The following LIN28A variants were observed in gnomAD, a reference collection of about 807,000 sequenced individuals.
LIN28A encodes the protein lin-28 RNA binding posttranscriptional regulator A, also known as protein lin-28 homolog A.
In LIN28A, 11 loss-of-function variants were observed where a neutral mutation model predicts 21.1. That is an observed-to-expected ratio of 0.52 (90% CI 0.33 to 0.86). The LOEUF (loss-of-function observed/expected upper bound fraction) is 0.86, where lower values mean the gene tolerates loss of function less well. LIN28A is among the 40% of genes least tolerant of loss of function. The probability of loss-of-function intolerance (pLI) is 0.03; values close to 1 mark genes in which losing one functional copy is unlikely to be tolerated. For missense variants in LIN28A, 219 were observed against 279.8 expected (o/e 0.78, Z 1.55); for synonymous variants, 111 against 108.7 (o/e 1.02, Z -0.13).
intron 2 of LIN28A, among the ~76,000 whole-genome samples, chr1:26,417,924 T>TTA (rs1461817905): frequency 3.3e-5 from 5 of 151,970 alleles, no homozygotes; most frequent in African/African-American, 1.2e-4. Flanking sequence ...AACCCCAGCT[T>TTA]TAATCTGCAC....
At chr1:26,419,353 C>CT (rs1307408776) in intron 2 of LIN28A, among the ~76,000 whole-genome samples, 3 of 152,100 alleles carry the variant, frequency 2.0e-5, no homozygotes, top group Non-Finnish European at 4.4e-5. Flanking sequence ...CTGTAAAAGT[C>CT]TTAGACCTCA....
At chr1:26,418,676 TC>T (rs1165150274) in intron 2 of LIN28A, among the ~76,000 whole-genome samples, 2 of 152,066 alleles carry the variant, frequency 1.3e-5, no homozygotes, top group Non-Finnish European at 2.9e-5. Context: ...ATGCCTTCTC[TC>T]CCCCTCCCCT....
intron 2 of LIN28A, among the ~76,000 whole-genome samples, chr1:26,420,297 C>T (rs1208221787): frequency 6.6e-6 from 1 of 152,056 alleles, no homozygotes; most frequent in African/African-American, 2.4e-5. Context: ...AGGGTGGTTA[C>T]TGTGAAACAG....
chr1:26,412,570 G>C (rs777689302), intron 2 of LIN28A, among the ~76,000 whole-genome samples: 1 of 152,134 alleles, frequency 6.6e-6, no homozygotes, highest in Non-Finnish European at 1.5e-5. Context: ...CATCTTTGGA[G>C]GTTTGGGACT....
intron 2 of LIN28A, among the ~76,000 whole-genome samples, chr1:26,418,508 T>G (rs568063967): frequency 2.0e-5 from 3 of 150,338 alleles, no homozygotes; most frequent in South Asian, 4.2e-4. Flanking sequence ...ATTGTGCCAC[T>G]GCACTCCGGC....
rs1433891466 is a variant in LIN28A at position 26,428,475 on chromosome 1, GA to G, written c.*2019del. 6.6e-6 allele frequency: 1 copy of G among 151,840 alleles called. No homozygotes were observed. Among genetic ancestry groups the G allele is most frequent in the Non-Finnish European group, 1.5e-5 (1 of 68,018 alleles). 9.4% of individuals were successfully genotyped at this position (151,840 alleles called of 1,614,324 possible). Reference sequence around the variant, plus strand: ...CTTAAATGATGTATGCAAAAATACTGAAGCTAGGAAAACCCTCCATCCCTTG... The same window carrying G: ...CTTAAATGATGTATGCAAAAATACTGAGCTAGGAAAACCCTCCATCCCTTG... On this transcript the variant is annotated 3_prime_UTR_variant, in exon 4 of 4. Coordinates refer to ENST00000326279, the MANE Select transcript of LIN28A (RefSeq NM_024674.6).
At chr1:26,413,978 C>T (rs563272919) in intron 2 of LIN28A, among the ~76,000 whole-genome samples, 243 of 152,050 alleles carry the variant, frequency 1.6e-3, no homozygotes, top group African/African-American at 5.5e-3. Flanking sequence ...CAGGCATGTG[C>T]CACCACGCTC....
chr1:26,417,634 T>C (rs879259483), intron 2 of LIN28A, among the ~76,000 whole-genome samples: 17 of 152,292 alleles, frequency 1.1e-4, no homozygotes, highest in Admixed American at 1.1e-3. Flanking sequence ...CCCCTCTGCC[T>C]CCATGTCCTC....
intron 2 of LIN28A, among the ~76,000 whole-genome samples, chr1:26,417,744 C>G (rs1260936291): frequency 6.6e-6 from 1 of 152,170 alleles, no homozygotes; most frequent in East Asian, 1.9e-4. Flanking sequence ...GCCACTTAGC[C>G]TACAGTAAGA....
At chr1:26,415,833 T>C (rs938140268) in intron 2 of LIN28A, among the ~76,000 whole-genome samples, 2 of 152,190 alleles carry the variant, frequency 1.3e-5, no homozygotes, top group Non-Finnish European at 2.9e-5. Context: ...TGGTCATCCA[T>C]GAGTTATTTC....
At chr1:26,414,400 TA>T (rs1217178440) in intron 2 of LIN28A, among the ~76,000 whole-genome samples, 4 of 152,094 alleles carry the variant, frequency 2.6e-5, no homozygotes, top group Non-Finnish European at 4.4e-5. Flanking sequence ...AAAGGCAATT[TA>T]AAAACATTTT....
intron 1 of LIN28A, 69 bp downstream of exon 1, chr1:26,410,991 G>A (rs2074954500): frequency 1.6e-5 from 25 of 1,568,090 alleles, no homozygotes; most frequent in Admixed American, 4.0e-5. Flanking sequence ...TAGAAGGGAG[G>A]TGGGGAACTG....
intron 2 of LIN28A, among the ~76,000 whole-genome samples, chr1:26,421,009 G>C (rs2075025530): frequency 6.6e-6 from 1 of 151,854 alleles, no homozygotes; most frequent in Non-Finnish European, 1.5e-5. Context: ...AGAACTAGCT[G>C]TATCAACAAC....
intron 2 of LIN28A, among the ~76,000 whole-genome samples, chr1:26,424,593 C>T (rs894533250): frequency 2.6e-5 from 4 of 152,084 alleles, no homozygotes; most frequent in Non-Finnish European, 2.9e-5. Flanking sequence ...ATTTTTGAGA[C>T]GAAGTCTTGC....
In LIN28A at chr1:26,411,450, G is replaced by T. The variant is rs766264498; in HGVS notation, c.96G>T (p.Ala32=). ...EEAPEDAARA[A]DEPQLLHGAG... ...CGCCGGAGGACGCGGCCCGGGCGGC[G>T]GACGAGCCTCAGCTGCTGCACGGTG... Residue 32 remains alanine, a synonymous_variant, in exon 2 of 4, where the codon GCG becomes GCT. Coordinates refer to ENST00000326279, the MANE Select transcript of LIN28A (RefSeq NM_024674.6). The surrounding 1 kb of genome is among the most constrained non-coding windows in gnomAD (Gnocchi z 5.4). The T allele has an allele frequency of 1.6e-5, 26 of 1,611,192 alleles. No individual in the cohort carries two copies. The highest frequency in any genetic ancestry group is 2.0e-5 in the Non-Finnish European group (24 of 1,178,716).
At chr1:26,418,373 C>T (rs953322181) in intron 2 of LIN28A, among the ~76,000 whole-genome samples, 3 of 151,918 alleles carry the variant, frequency 2.0e-5, no homozygotes, top group South Asian at 4.2e-4. Context: ...GGTGAAACCC[C>T]GTCTCTACTA....
chr1:26,424,783 C>T (rs1326965544), intron 2 of LIN28A, among the ~76,000 whole-genome samples: 1 of 152,116 alleles, frequency 6.6e-6, no homozygotes, highest in Admixed American at 6.6e-5. Context: ...ACTCTGTCGC[C>T]CAGGCTGGAG....
intron 2 of LIN28A, among the ~76,000 whole-genome samples, chr1:26,422,989 G>C (rs1570316207): frequency 6.6e-6 from 1 of 152,202 alleles, no homozygotes; most frequent in African/African-American, 2.4e-5. Flanking sequence ...CTGGAATGCA[G>C]TGGCATAATC....
rs1234062650 is a variant in LIN28A, at chr1:26,425,401, C to T, written c.327C>T (p.Val109=). The T allele has an allele frequency of 2.5e-6, 4 of 1,614,000 alleles. No homozygotes were observed. The African/African-American group carries it at 5.3e-5, about 22-fold the overall frequency. Residue 109 remains valine (V), a synonymous_variant, in exon 3 of 4, where the codon GTC becomes GTT. Transcript: ENST00000326279. ...KSAKGLESIR[V]TGPGGVFCIG... is the part of the protein sequence containing the mutation. Reference sequence around the variant, plus strand: ...CCAAGGGTCTGGAATCCATCCGTGTCACCGGACCTGGTGGAGTATTCTGTA... The same window carrying T: ...CCAAGGGTCTGGAATCCATCCGTGTTACCGGACCTGGTGGAGTATTCTGTA...
Sources: gnomAD v4.1 joint callset for allele counts (sites outside exome capture counted in the v4.1 genomes callset) on GRCh38, gnomAD v4.1.1 for gene constraint, Gnocchi (gnomAD v3.1) non-coding constraint, MANE v1.5 for transcripts, NCBI Gene and HGNC (gene_info 2026-07-23, HGNC 2026-07-21) for gene names.